Variants in ATP2B2 observed in about 807,000 individuals in gnomAD.
ATP2B2 encodes the protein plasma membrane calcium-transporting ATPase 2.
Under a neutral mutation model 120.0 loss-of-function variants are expected in ATP2B2, and 15 were observed. The observed-to-expected ratio is 0.12, with a 90% CI of 0.08 to 0.19. The LOEUF is 0.19. Ranked by LOEUF, ATP2B2 falls within the 10% of genes least tolerant of loss-of-function variation. The pLI is 1.00. For synonymous variants in ATP2B2, 694 were observed against 700.3 expected (o/e 0.99, Z 0.14); for missense variants, 1,045 against 1,719.8 (o/e 0.61, Z 6.94).
intron 1 of ATP2B2, among the ~76,000 whole-genome samples, chr3:10,681,569 C>T (rs571742304): frequency 4.5e-4 from 68 of 152,372 alleles, no homozygotes; most frequent in African/African-American, 1.3e-3. Context: ...GGTGCAGGCA[C>T]TGTGGTTGGT....
At chr3:10,634,130 A>G (rs867579234) in intron 1 of ATP2B2, among the ~76,000 whole-genome samples, 6 of 152,238 alleles carry the variant, frequency 3.9e-5, no homozygotes, top group African/African-American at 1.4e-4. Flanking sequence ...TGAGGCTGAC[A>G]CAATGAGATG....
Position 10,473,273 on chromosome 3 carries a change from G to A in ATP2B2, c.-319-23411C>T, listed in dbSNP as rs1214075828. ...CACAGTCATTTAATGAGCACCTACT[G>A]TATGCCAAGCATACTGTACTTGCCT... On this transcript the variant is annotated intron_variant, in intron 1 of 22. Coordinates refer to ENST00000360273, the MANE Select transcript of ATP2B2 (RefSeq NM_001001331.4). Among the ~76,000 whole-genome samples the A allele has an allele frequency of 2.0e-5, 3 of 152,182 alleles. No individual in the cohort carries two copies. In the East Asian group the frequency reaches 5.8e-4, roughly 29 times the overall value.
intron 1 of ATP2B2, among the ~76,000 whole-genome samples, chr3:10,469,254 G>C (rs748324917): frequency 1.3e-5 from 2 of 152,366 alleles, no homozygotes; most frequent in South Asian, 4.1e-4. Flanking sequence ...AGCCCTGCAA[G>C]AGGCACTTTT....
intron 5 of ATP2B2, chr3:10,394,513 C>T (rs775489938): frequency 1.3e-5 from 6 of 470,982 alleles, no homozygotes; most frequent in Middle Eastern, 4.0e-4. Flanking sequence ...CACTACACCC[C>T]GCTGCCTCTC....
chr3:10,609,553 A>G (rs984629294), intron 2 of ATP2B2, among the ~76,000 whole-genome samples: 3 of 152,216 alleles, frequency 2.0e-5, no homozygotes, highest in African/African-American at 4.8e-5. Flanking sequence ...ACTTGCCAGT[A>G]TAGAAATGCC....
At chr3:10,478,330 C>G (rs1017425988) in intron 1 of ATP2B2, among the ~76,000 whole-genome samples, 4 of 152,126 alleles carry the variant, frequency 2.6e-5, no homozygotes, top group Non-Finnish European at 5.9e-5. Flanking sequence ...TGTCTTTGTA[C>G]TCTGTTGATA....
At chr3:10,384,505 G>A (rs1364644152) in intron 8 of ATP2B2, among the ~76,000 whole-genome samples, 1 of 152,144 alleles carries the variant, frequency 6.6e-6, no homozygotes, top group African/African-American at 2.4e-5. Flanking sequence ...ATAGAAATCC[G>A]AAATCTTCTA....
chr3:10,593,950 A>T (rs534692765), intron 2 of ATP2B2, among the ~76,000 whole-genome samples: 1 of 152,388 alleles, frequency 6.6e-6, no homozygotes, highest in Non-Finnish European at 1.5e-5. Context: ...TATGCAGCCA[A>T]CAGACACATG....
chr3:10,334,947 A>G (rs767674519), intron 22 of ATP2B2, among the ~76,000 whole-genome samples: 1 of 152,202 alleles, frequency 6.6e-6, no homozygotes, highest in Non-Finnish European at 1.5e-5. Flanking sequence ...ATTGGAGAAG[A>G]CCAGAACCAG....
chr3:10,605,828 T>C (rs916661457), intron 2 of ATP2B2, among the ~76,000 whole-genome samples: 1 of 152,184 alleles, frequency 6.6e-6, no homozygotes, highest in Non-Finnish European at 1.5e-5. Flanking sequence ...TTTGTATTTT[T>C]AGTAGAGATG....
chr3:10,451,309 C>G (rs2064038789), intron 1 of ATP2B2, among the ~76,000 whole-genome samples: 1 of 152,186 alleles, frequency 6.6e-6, no homozygotes, highest in African/African-American at 2.4e-5. Flanking sequence ...CCGCTAAGAA[C>G]ACAGTATCTG....
intron 14 of ATP2B2, among the ~76,000 whole-genome samples, chr3:10,350,913 A>G (rs544182026): frequency 6.6e-6 from 1 of 152,324 alleles, no homozygotes; most frequent in African/African-American, 2.4e-5. Flanking sequence ...AAAGACTTCC[A>G]TGAACGCCTC....
intron 1 of ATP2B2, among the ~76,000 whole-genome samples, chr3:10,668,747 T>G (rs1410418499): frequency 6.6e-6 from 1 of 152,190 alleles, no homozygotes; most frequent in Admixed American, 6.5e-5. Flanking sequence ...CCTCCTGCAT[T>G]CCGCTTGCTG....
At chr3:10,433,605 T>C (rs1423747078) in intron 2 of ATP2B2, among the ~76,000 whole-genome samples, 1 of 152,162 alleles carries the variant, frequency 6.6e-6, no homozygotes, top group Non-Finnish European at 1.5e-5. Context: ...TGAGCAGCTA[T>C]GTTACAAGAC....
At chr3:10,476,966 G>C (rs1376303600) in intron 1 of ATP2B2, among the ~76,000 whole-genome samples, 1 of 152,234 alleles carries the variant, frequency 6.6e-6, no homozygotes, top group Non-Finnish European at 1.5e-5. Flanking sequence ...TCTGCAGCTA[G>C]AGCATTCTAG....
intron 1 of ATP2B2, among the ~76,000 whole-genome samples, chr3:10,634,910 T>A (rs1418757654): frequency 6.6e-6 from 1 of 152,062 alleles, no homozygotes; most frequent in Non-Finnish European, 1.5e-5. Context: ...AGGGGCAGGT[T>A]TGGTGGGGAA....
chr3:10,565,436 T>C (rs1329327119), intron 2 of ATP2B2, among the ~76,000 whole-genome samples: 1 of 152,210 alleles, frequency 6.6e-6, no homozygotes, highest in African/African-American at 2.4e-5. Flanking sequence ...TGAAAGCCTC[T>C]GGAATCTGTT....
chr3:10,690,969 G>A lies in ATP2B2; in HGVS notation c.-460+16946C>T, dbSNP rs544998246. Reference sequence around the variant, plus strand: ...TAAGACAGTGCCTGGCACATAGTAGGTGCTGAACAAGTATTTGCTGTTTCT... The same window carrying A: ...TAAGACAGTGCCTGGCACATAGTAGATGCTGAACAAGTATTTGCTGTTTCT... On this transcript the variant is annotated intron_variant, in intron 1 of 21. Coordinates refer to the ATP2B2 transcript ENST00000646379. 7.5e-4 allele frequency among the ~76,000 whole-genome samples: 115 copies of A among 152,338 alleles called. 1 individual carries two copies. Among genetic ancestry groups the A allele is most frequent in the South Asian group, 1.5e-3 (7 of 4,820 alleles).
chr3:10,688,992 G>A (rs1435802215), intron 1 of ATP2B2, among the ~76,000 whole-genome samples: 2 of 152,138 alleles, frequency 1.3e-5, no homozygotes, highest in East Asian at 3.8e-4. Flanking sequence ...TGGGGAGGAG[G>A]GCAGGTCCAT....
Sources: allele counts gnomAD v4.1 joint callset (sites outside exome capture counted in the v4.1 genomes callset), GRCh38; gene constraint gnomAD v4.1.1; transcripts MANE v1.5; gene names NCBI Gene and HGNC (gene_info 2026-07-23, HGNC 2026-07-21).